Variants in MKLN1 observed in about 807,000 individuals in gnomAD.
MKLN1 encodes muskelin.
Under a neutral mutation model 99.0 loss-of-function variants are expected in MKLN1, and 18 were observed. The ratio of observed to expected loss-of-function variants is 0.18; its 90% CI spans 0.13 to 0.27. The LOEUF (loss-of-function observed/expected upper bound fraction) is 0.27. MKLN1 is among the 10% of genes least tolerant of loss of function. The pLI is 1.00. For missense variants in MKLN1, 621 were observed against 875.9 expected (o/e 0.71, Z 3.67); for synonymous variants, 288 against 293.2 (o/e 0.98, Z 0.18).
rs188731667 is a variant in MKLN1, at chr7:131,469,738, C to T, written c.1929-1104C>T. On this transcript the variant is annotated intron_variant, in intron 15 of 17. Coordinates refer to ENST00000352689, the MANE Select transcript of MKLN1 (RefSeq NM_013255.5). ...CTGTATATTTTGAAAAGTATACCAA[C>T]GTATTAGAAATAAACCTGTATGTAA... 1.9e-4 allele frequency among the ~76,000 whole-genome samples: 29 copies of T among 152,178 alleles called. 1 individual carries two copies. In the East Asian group the frequency reaches 4.1e-3, roughly 21 times the overall value.
chr7:131,328,743 T>G (rs555936762), intron 1 of MKLN1, among the ~76,000 whole-genome samples: 2 of 152,256 alleles, frequency 1.3e-5, no homozygotes, highest in Non-Finnish European at 2.9e-5. Flanking sequence ...CTGGCTTTAA[T>G]GAATTTGATT....
At chr7:131,204,917 G>C (rs1796785495) in intron 3 of MKLN1, among the ~76,000 whole-genome samples, 1 of 144,076 alleles carries the variant, frequency 6.9e-6, no homozygotes, top group South Asian at 2.3e-4. Flanking sequence ...CTAGGCGACA[G>C]AGCAAGACTC....
intron 3 of MKLN1, among the ~76,000 whole-genome samples, chr7:131,235,263 A>G (rs1797303113): frequency 6.6e-6 from 1 of 151,184 alleles, no homozygotes; most frequent in Admixed American, 6.6e-5. Context: ...TGTGTGGGTG[A>G]GTGAGCCTGA....
At chr7:131,443,834 C>T in intron 11 of MKLN1, 132 bp downstream of exon 11, 2 of 700,400 alleles carry the variant, frequency 2.9e-6, no homozygotes, top group Non-Finnish European at 4.9e-6. Flanking sequence ...ACTTCTTTAA[C>T]AGTGAACTGT....
intron 16 of MKLN1, 168 bp downstream of exon 16, chr7:131,471,112 A>G (rs1284788835): frequency 5.6e-6 from 3 of 533,816 alleles, no homozygotes; most frequent in South Asian, 2.4e-5. Flanking sequence ...TTGAATAGGC[A>G]TGTTTTCGTG....
intron 3 of MKLN1, among the ~76,000 whole-genome samples, chr7:131,257,366 A>G (rs1011095548): frequency 1.2e-4 from 18 of 152,240 alleles, no homozygotes; most frequent in African/African-American, 4.3e-4. Flanking sequence ...TAAATAAACA[A>G]TAGGTCCAAG....
intron 1 of MKLN1, among the ~76,000 whole-genome samples, chr7:131,116,191 AT>A (rs933677986): frequency 1.3e-4 from 19 of 151,326 alleles, no homozygotes; most frequent in African/African-American, 4.6e-4. Flanking sequence ...TATAATGAAT[AT>A]ATATATATAT....
intron 3 of MKLN1, among the ~76,000 whole-genome samples, chr7:131,279,642 T>C (rs142810841): frequency 1.3e-5 from 2 of 152,004 alleles, no homozygotes; most frequent in Non-Finnish European, 2.9e-5. Context: ...ACCCAATCTT[T>C]ACAAAAAATA....
chr7:131,134,370 G>C (rs750178238), intron 1 of MKLN1, among the ~76,000 whole-genome samples: 16 of 151,530 alleles, frequency 1.1e-4, no homozygotes, highest in Non-Finnish European at 1.9e-4. Context: ...AGTGTTCTTC[G>C]CTTGGTCCTT....
At chr7:131,113,766 A>G (rs1407777149) in intron 1 of MKLN1, among the ~76,000 whole-genome samples, 3 of 152,244 alleles carry the variant, frequency 2.0e-5, no homozygotes, top group African/African-American at 4.8e-5. Context: ...GGAGGTTGCA[A>G]TGAGCAGAGA....
At chr7:131,486,631 T>TC (rs1436562172) in intron 17 of MKLN1, among the ~76,000 whole-genome samples, 2 of 152,140 alleles carry the variant, frequency 1.3e-5, no homozygotes, top group African/African-American at 4.8e-5. Context: ...CATATATAAC[T>TC]CTTGATGGCT....
intron 2 of MKLN1, among the ~76,000 whole-genome samples, chr7:131,177,919 G>A (rs906331225): frequency 3.3e-5 from 5 of 152,184 alleles, no homozygotes; most frequent in Non-Finnish European, 7.3e-5. Context: ...AATCTGGAAT[G>A]CAAGCTGCTT....
chr7:131,345,187 A>G (rs1210147450), intron 1 of MKLN1, among the ~76,000 whole-genome samples: 1 of 152,206 alleles, frequency 6.6e-6, no homozygotes, highest in Non-Finnish European at 1.5e-5. Context: ...AAAAATTAGT[A>G]GTACAGGAAC....
chr7:131,307,971 A>G (rs1404275218), intron 3 of MKLN1, among the ~76,000 whole-genome samples: 1 of 152,184 alleles, frequency 6.6e-6, no homozygotes, highest in Admixed American at 6.5e-5. Flanking sequence ...TCTTTTCTCA[A>G]GTTGTAATCC....
Position 131,212,724 on chromosome 7 carries a change from G to A in MKLN1, c.-179+9750G>A, listed in dbSNP as rs1001792752. ...GGATCACCTGAGGTTGGGAGTTCGA[G>A]ACCAGCCTGACCAACATGGAGAAAC... On this transcript the variant is annotated intron_variant, in intron 3 of 7. Transcript: ENST00000416992. Among the ~76,000 whole-genome samples, 8 of 152,180 alleles carry A rather than the reference G, an allele frequency of 5.3e-5. No homozygotes were observed. In the South Asian group the frequency reaches 1.5e-3, roughly 28 times the overall value.
At position 131,469,469 on chromosome 7, in the gene MKLN1, A is replaced by G. The variant is rs6960771; in HGVS notation, c.1929-1373A>G. Among the ~76,000 whole-genome samples the G allele has an allele frequency of 2.5e-3, 380 of 152,310 alleles. 3 individuals are homozygous for G. Among genetic ancestry groups the G allele is most frequent in the African/African-American group, 8.6e-3 (359 of 41,576 alleles). On this transcript the variant is annotated intron_variant, in intron 15 of 17. Transcript: ENST00000352689. The stretch of plus-strand genomic sequence containing the variant: ...GGTGCCAAAACCTTGGTCTAATCTA[A>G]TCTGTTGTGGACAAGATGGTAAAGT...
At chr7:131,411,805 G>A (rs1007162821) in intron 7 of MKLN1, among the ~76,000 whole-genome samples, 31 of 150,902 alleles carry the variant, frequency 2.1e-4, no homozygotes, top group African/African-American at 7.6e-4. Context: ...TACTCGGGAG[G>A]CTGGGGTAGG....
At chr7:131,413,944 AC>A (rs1794947302) in intron 7 of MKLN1, among the ~76,000 whole-genome samples, 1 of 152,176 alleles carries the variant, frequency 6.6e-6, no homozygotes, top group African/African-American at 2.4e-5. Context: ...TTGTATTTAA[AC>A]CTGCCTATTA....
At chr7:131,195,919 C>T (rs1796638077) in intron 2 of MKLN1, among the ~76,000 whole-genome samples, 2 of 152,182 alleles carry the variant, frequency 1.3e-5, no homozygotes, top group Non-Finnish European at 2.9e-5. Context: ...CCACTGCACT[C>T]AGCCTGGAGA....
Sources: allele counts gnomAD v4.1 joint callset (sites outside exome capture counted in the v4.1 genomes callset), GRCh38; gene constraint gnomAD v4.1.1; transcripts MANE v1.5; gene names NCBI Gene and HGNC (gene_info 2026-07-23, HGNC 2026-07-21).